NR3C1: variants seen among roughly 807,000 people sequenced by gnomAD.
The protein encoded by NR3C1 is nuclear receptor subfamily 3 group C member 1, also known as glucocorticoid receptor.
Under a neutral mutation model 74.0 loss-of-function variants are expected in NR3C1, and 14 were observed. The ratio of observed to expected loss-of-function variants is 0.19; its 90% confidence interval spans 0.12 to 0.30. NR3C1 has a LOEUF of 0.30. Among genes scored for constraint, NR3C1 ranks in the 10% least tolerant of loss-of-function variants. The pLI, the probability that NR3C1 is intolerant of heterozygous loss-of-function variation, is 1.00. For missense variants in NR3C1, 695 were observed against 909.8 expected (o/e 0.76, Z 3.04); for synonymous variants, 308 against 332.5 (o/e 0.93, Z 0.80).
chr5:143,292,691 C>G (rs1458489418), intron 7 of NR3C1, among the ~76,000 whole-genome samples: 2 of 152,178 alleles, frequency 1.3e-5, no homozygotes, highest in Admixed American at 1.3e-4. Flanking sequence ...GAGTTTTTAA[C>G]TCTGAAGCTA....
At chr5:143,329,962 T>C (rs1290816478) in intron 2 of NR3C1, among the ~76,000 whole-genome samples, 1 of 152,224 alleles carries the variant, frequency 6.6e-6, no homozygotes, top group East Asian at 1.9e-4. Context: ...TGTACTCTGA[T>C]TTTCACATAT....
intron 2 of NR3C1, among the ~76,000 whole-genome samples, chr5:143,320,526 T>C (rs1422440296): frequency 6.6e-6 from 1 of 152,188 alleles, no homozygotes; most frequent in Non-Finnish European, 1.5e-5. Context: ...CTGGGCTTGG[T>C]TTCCCTGTCT....
At chr5:143,296,616 AAACAAC>A (rs2307674) in intron 6 of NR3C1, among the ~76,000 whole-genome samples, 3 of 151,992 alleles carry the variant, frequency 2.0e-5, no homozygotes, top group Non-Finnish European at 4.4e-5. Context: ...TTGGCTGTAA[AAACAAC>A]AACAATTTTT....
At chr5:143,306,609 C>G (rs1426095992) in intron 4 of NR3C1, among the ~76,000 whole-genome samples, 1 of 152,010 alleles carries the variant, frequency 6.6e-6, no homozygotes, top group African/African-American at 2.4e-5. Flanking sequence ...CGGTACATAT[C>G]ATAGTAGGAA....
intron 2 of NR3C1, among the ~76,000 whole-genome samples, chr5:143,383,479 T>C (rs1836623894): frequency 6.6e-6 from 1 of 152,216 alleles, no homozygotes; most frequent in Non-Finnish European, 1.5e-5. Flanking sequence ...CAGTATTAAT[T>C]CAACAAACAT....
intron 7 of NR3C1, among the ~76,000 whole-genome samples, chr5:143,292,008 G>A (rs971767748): frequency 8.5e-5 from 13 of 152,132 alleles, no homozygotes; most frequent in Admixed American, 5.2e-4. Flanking sequence ...CTTTTAGCAT[G>A]CCTTGTAGTT....
chr5:143,403,478 C>CCCAGCTGCTTCGGCCGCT lies in NR3C1; in HGVS notation c.-299_-282dup, dbSNP rs1840750395. ...CCGGGCGCGCGTGCCCCGTCCCGGT[C>CCCAGCTGCTTCGGCCGCT]CCAGCTGCTTCGGCCGCTCCGGCTG... On this transcript the variant is annotated 5_prime_UTR_variant, in exon 1 of 9. Transcript: ENST00000394464. 1.0e-6 allele frequency: 1 copy of CCCAGCTGCTTCGGCCGCT among 984,992 alleles called. No individual in the cohort carries two copies. Among genetic ancestry groups the CCCAGCTGCTTCGGCCGCT allele is most frequent in the South Asian group, 4.7e-5 (1 of 21,278 alleles). The allele number at this position is 984,992 out of a possible 1,614,324, so 61.0% of individuals were successfully genotyped here.
Position 143,399,708 on chromosome 5 carries a change from G to A in NR3C1, c.1132C>T (p.Leu378=). Residue 378 remains leucine (L), a synonymous_variant, in exon 2 of 9, where the codon CTG becomes TTG. Transcript: ENST00000394464. ...CGACCAGGGAAGTTCAGAGTCCCCA[G>A]AGAAGTCAAGTTGTCATCTCCAGAT... ...QGSGDDNLTS[L]GTLNFPGRTV... 6.2e-7 allele frequency: 1 copy of A among 1,614,128 alleles called. No homozygotes were observed. The highest frequency in any genetic ancestry group is 8.5e-7 in the Non-Finnish European group (1 of 1,179,994).
At chr5:143,318,410 CT>C (rs1332513573) in intron 2 of NR3C1, among the ~76,000 whole-genome samples, 3 of 152,036 alleles carry the variant, frequency 2.0e-5, no homozygotes, top group African/African-American at 7.2e-5. Flanking sequence ...TTGAATGTAT[CT>C]TTTACCCATG....
chr5:143,313,878 T>G (rs1599865266), intron 3 of NR3C1, 124 bp downstream of exon 3: 1 of 967,000 alleles, frequency 1.0e-6, no homozygotes, highest in East Asian at 2.5e-5. Context: ...GGAGCCACCC[T>G]CCTCTCCCCT....
chr5:143,301,672 T>C (rs1818514768), intron 4 of NR3C1, among the ~76,000 whole-genome samples: 2 of 152,112 alleles, frequency 1.3e-5, no homozygotes, highest in African/African-American at 2.4e-5. Flanking sequence ...AGAGGGAAAG[T>C]ACTCAGAATT....
chr5:143,368,763 C>G (rs1833731467), intron 2 of NR3C1, among the ~76,000 whole-genome samples: 1 of 152,100 alleles, frequency 6.6e-6, no homozygotes, highest in Admixed American at 6.6e-5. Flanking sequence ...AGTCTGTGTT[C>G]TGTTGGTATA....
chr5:143,295,412 C>G (rs373334044), intron 7 of NR3C1, 48 bp downstream of exon 7: 20 of 1,604,926 alleles, frequency 1.2e-5, no homozygotes, highest in Non-Finnish European at 1.7e-5. Context: ...GTTTCTAGGC[C>G]TTCATATTTC....
chr5:143,284,365 T>G (rs1232772310), intron 7 of NR3C1, among the ~76,000 whole-genome samples: 1 of 152,172 alleles, frequency 6.6e-6, no homozygotes, highest in Non-Finnish European at 1.5e-5. Flanking sequence ...ATGAAAATGT[T>G]TGATTCCATA....
Position 143,292,820 on chromosome 5 carries a change from TG to T in NR3C1, c.2023+2639del, listed in dbSNP as rs563797389. On this transcript the variant is annotated intron_variant, in intron 7 of 8. Transcript: ENST00000394464. ...TCAGTGGCATCTTTTCCCAGTAAGC[TG>T]ATCTTGGCTGTTTCTCTGTATTTGT... Among the ~76,000 whole-genome samples the T allele has an allele frequency of 8.5e-5, 13 of 152,310 alleles. No individual in the cohort carries two copies. In the South Asian group the frequency reaches 2.5e-3, roughly 29 times the overall value.
chr5:143,400,299 C>T lies in NR3C1; in HGVS notation c.541G>A (p.Val181Met). Reference protein sequence around the residue: ...KGQTGTNGGNVKLYTTDQSTF... With the variant: ...KGQTGTNGGNMKLYTTDQSTF... Reference sequence around the variant, plus strand: ...CTTTGGTCTGTGGTATACAATTTCACATTGCCACCGTTGGTGCCAGTCTGG... The same window carrying T: ...CTTTGGTCTGTGGTATACAATTTCATATTGCCACCGTTGGTGCCAGTCTGG... Residue 181 changes from valine (V) to methionine (M), a missense_variant, in exon 2 of 9, where the codon GTG becomes ATG. Physicochemically the swap from Val to Met is conservative, Grantham distance 21. This residue lies in a region of NR3C1 where 497 missense variants were observed against 489.5 expected (regional missense o/e 1.02). Transcript: ENST00000394464. 1 of 1,608,550 alleles carries T rather than the reference C, an allele frequency of 6.2e-7. No homozygotes were observed. Among genetic ancestry groups the T allele is most frequent in the Non-Finnish European group, 8.5e-7 (1 of 1,177,080 alleles).
intron 2 of NR3C1, among the ~76,000 whole-genome samples, chr5:143,359,674 T>C (rs1030778474): frequency 1.4e-4 from 21 of 152,294 alleles, no homozygotes; most frequent in African/African-American, 5.1e-4. Flanking sequence ...CCCCAGCACT[T>C]TGGAAGGCTG....
At chr5:143,282,505 C>T (rs1377590257) in intron 8 of NR3C1, 63 bp downstream of exon 8, 1 of 1,591,568 alleles carries the variant, frequency 6.3e-7, no homozygotes, top group African/African-American at 1.3e-5. Context: ...TAATTATATT[C>T]ACTAATCAAA....
At chr5:143,323,993 C>T (rs144152169) in intron 2 of NR3C1, among the ~76,000 whole-genome samples, 22 of 152,312 alleles carry the variant, frequency 1.4e-4, no homozygotes, top group African/African-American at 3.8e-4. Flanking sequence ...TGGGCAGCTC[C>T]GCCCCTGTGA....
Sources: gnomAD v4.1 joint callset for allele counts (sites outside exome capture counted in the v4.1 genomes callset) on GRCh38, gnomAD v4.1.1 for gene constraint, gnomAD v4.1.1 regional missense constraint, MANE v1.5 for transcripts, NCBI Gene and HGNC (gene_info 2026-07-23, HGNC 2026-07-21) for gene names.